Variants in SUGCT observed in about 807,000 individuals in gnomAD.
SUGCT encodes the protein succinyl-CoA:glutarate CoA-transferase.
In SUGCT, 41 loss-of-function variants were observed where a neutral mutation model predicts 55.0. The ratio of observed to expected loss-of-function variants is 0.74; its 90% CI spans 0.58 to 0.97. SUGCT has a LOEUF of 0.97. Among genes scored for constraint, SUGCT ranks in the 50% least tolerant of loss-of-function variants. The pLI, the probability that SUGCT is intolerant of heterozygous loss-of-function variation, is 0.00. For missense variants in SUGCT, 568 were observed against 547.8 expected, an observed-to-expected ratio of 1.04 and a Z score of -0.37; for synonymous variants, 187 against 200.4, an observed-to-expected ratio of 0.93 and a Z score of 0.56.
intron 8 of SUGCT, among the ~76,000 whole-genome samples, chr7:40,312,484 T>G (rs963958107): frequency 2.6e-5 from 4 of 152,140 alleles, no homozygotes; most frequent in African/African-American, 9.7e-5. Flanking sequence ...TTTCCATCCC[T>G]GAAAAACCTG....
intron 12 of SUGCT, 55 bp from the exon 13 acceptor site, chr7:40,749,379 A>C: frequency 6.9e-7 from 1 of 1,441,248 alleles, no homozygotes; most frequent in Non-Finnish European, 9.8e-7. Flanking sequence ...ATGCCTTGCA[A>C]TTGAAGATGG....
chr7:40,819,275 T>G (rs911799943), intron 13 of SUGCT, among the ~76,000 whole-genome samples: 1 of 152,166 alleles, frequency 6.6e-6, no homozygotes, highest in African/African-American at 2.4e-5. Context: ...ATATACCCAG[T>G]AATGGTTTGG....
intron 12 of SUGCT, among the ~76,000 whole-genome samples, chr7:40,728,451 G>A (rs1003728780): frequency 2.6e-5 from 4 of 152,154 alleles, no homozygotes; most frequent in East Asian, 1.9e-4. Context: ...CTGGGAAGGC[G>A]GAGGTTGCAG....
intron 12 of SUGCT, among the ~76,000 whole-genome samples, chr7:40,723,575 C>G (rs2128687720): frequency 6.6e-6 from 1 of 152,284 alleles, no homozygotes. Flanking sequence ...ATGAGGTTTA[C>G]TTTGACTTAA....
intron 9 of SUGCT, among the ~76,000 whole-genome samples, chr7:40,340,836 G>T (rs1426103027): frequency 6.6e-6 from 1 of 152,164 alleles, no homozygotes; most frequent in African/African-American, 2.4e-5. Flanking sequence ...GGGGAAAAAA[G>T]GAGATCTGGA....
chr7:40,665,479 A>G (rs1801576883), intron 12 of SUGCT, among the ~76,000 whole-genome samples: 1 of 151,062 alleles, frequency 6.6e-6, no homozygotes, highest in Non-Finnish European at 1.5e-5. Context: ...AAATAAATAA[A>G]GTACTGGCTC....
chr7:40,250,695 G>A (rs1377047237), intron 7 of SUGCT, among the ~76,000 whole-genome samples: 2 of 152,006 alleles, frequency 1.3e-5, no homozygotes, highest in Non-Finnish European at 2.9e-5. Flanking sequence ...ACAATTAATT[G>A]AAGTGAAATA....
At chr7:40,189,830 C>T (rs1785785070) in intron 5 of SUGCT, among the ~76,000 whole-genome samples, 1 of 152,126 alleles carries the variant, frequency 6.6e-6, no homozygotes, top group African/African-American at 2.4e-5. Context: ...ACCAACTCTG[C>T]AGCAAATCCT....
intron 8 of SUGCT, among the ~76,000 whole-genome samples, chr7:40,285,171 T>C (rs889721550): frequency 6.6e-6 from 1 of 152,162 alleles, no homozygotes; most frequent in African/African-American, 2.4e-5. Context: ...TTTGGAGCTT[T>C]CAAATGTTCT....
At chr7:40,155,650 A>G (rs1386463123) in intron 1 of SUGCT, among the ~76,000 whole-genome samples, 1 of 152,206 alleles carries the variant, frequency 6.6e-6, no homozygotes, top group East Asian at 1.9e-4. Context: ...ATCAAGGAAC[A>G]TTTGAGCACC....
intron 13 of SUGCT, among the ~76,000 whole-genome samples, chr7:40,777,118 ATTTTC>A (rs1322334033): frequency 6.6e-6 from 1 of 152,104 alleles, no homozygotes; most frequent in Admixed American, 6.6e-5. Context: ...ATGAGAGAGA[ATTTTC>A]TTCTCTTCTC....
rs1195992776 is a variant in SUGCT, at chr7:40,824,312, C to T, written c.1154-36004C>T. Among the ~76,000 whole-genome samples, 4 of 152,048 alleles carry T rather than the reference C, an allele frequency of 2.6e-5. 1 individual carries two copies. The highest frequency in any genetic ancestry group is 6.6e-5 in the Admixed American group (1 of 15,256). ...TCCAAAGAATCTTTCCTGTTAGGCCCGCTTGCCATTTCAAAGCTGGAAAAG... is the reference window on the plus strand; with the variant it reads ...TCCAAAGAATCTTTCCTGTTAGGCCTGCTTGCCATTTCAAAGCTGGAAAAG... On this transcript the variant is annotated intron_variant, in intron 13 of 13. Transcript: ENST00000335693.
chr7:40,373,277 T>C (rs373063045), intron 9 of SUGCT, among the ~76,000 whole-genome samples: 1 of 151,896 alleles, frequency 6.6e-6, no homozygotes, highest in African/African-American at 2.4e-5. Context: ...TAATAATTAA[T>C]ATATAGAATT....
intron 12 of SUGCT, among the ~76,000 whole-genome samples, chr7:40,557,018 G>T (rs1795592902): frequency 6.6e-6 from 1 of 152,122 alleles, no homozygotes; most frequent in South Asian, 2.1e-4. Context: ...ATCTTGAAGT[G>T]ACCTCAAATA....
chr7:40,952,589 T>A, the SUGCT span, among the ~76,000 whole-genome samples: 2 of 152,228 alleles, frequency 1.3e-5, no homozygotes, highest in African/African-American at 4.8e-5. Context: ...CAGTGGCTGG[T>A]ACCAGTTGTT....
At chr7:40,316,691 T>C in intron 8 of SUGCT, 69 bp from the exon 9 acceptor site, 1 of 1,012,078 alleles carries the variant, frequency 9.9e-7, no homozygotes, top group Non-Finnish European at 1.5e-6. Flanking sequence ...TTTCATAATA[T>C]AACGTTCTCT....
At chr7:40,146,893 T>G (rs1315148837) in intron 1 of SUGCT, among the ~76,000 whole-genome samples, 1 of 152,222 alleles carries the variant, frequency 6.6e-6, no homozygotes, top group East Asian at 1.9e-4. Context: ...TAAATTTACC[T>G]TGGCTTTTAA....
At chr7:40,681,844 G>A (rs569045583) in intron 12 of SUGCT, among the ~76,000 whole-genome samples, 1 of 152,208 alleles carries the variant, frequency 6.6e-6, no homozygotes, top group East Asian at 1.9e-4. Context: ...TCTAGCTCAT[G>A]GGCATGACTT....
At chr7:40,404,847 C>T (rs946935146) in intron 9 of SUGCT, among the ~76,000 whole-genome samples, 1 of 152,168 alleles carries the variant, frequency 6.6e-6, no homozygotes, top group East Asian at 1.9e-4. Context: ...AAAGCCTGTT[C>T]AGTATGATTC....
Sources: allele counts gnomAD v4.1 joint callset (sites outside exome capture counted in the v4.1 genomes callset), GRCh38; gene constraint gnomAD v4.1.1; transcripts MANE v1.5; gene names NCBI Gene and HGNC (gene_info 2026-07-23, HGNC 2026-07-21).